Variants in AOC3 observed in about 807,000 individuals in gnomAD.
The protein encoded by AOC3 is amine oxidase copper containing 3.
A neutral mutation model predicts 55.4 loss-of-function variants in AOC3; 47 were observed. The observed-to-expected ratio is 0.85, with a 90% CI of 0.67 to 1.08. AOC3 has a LOEUF of 1.08. Ranked by LOEUF, AOC3 falls within the 50% of genes least tolerant of loss-of-function variation. AOC3 has a pLI of 0.00. For missense variants in AOC3, 853 were observed against 993.1 expected (o/e 0.86, Z 1.90); for synonymous variants, 386 against 410.7 (o/e 0.94, Z 0.73).
chr17:42,856,895 A>T lies in AOC3; in HGVS notation c.*345A>T, dbSNP rs1357986507. ...TTTTAGGCCACCTCCAAGGACTCTA[A>T]AAGGGGGCTATTCCCTGGAGACCCC... On this transcript the variant is annotated 3_prime_UTR_variant, in exon 4 of 4. Coordinates refer to ENST00000308423, the MANE Select transcript of AOC3 (RefSeq NM_003734.4). The T allele has an allele frequency of 6.3e-6, 2 of 318,034 alleles. No individual in the cohort carries two copies. Among genetic ancestry groups the T allele is most frequent in the Non-Finnish European group, 1.2e-5 (2 of 170,304 alleles). The allele number at this position is 318,034 out of a possible 1,614,324, so 19.7% of individuals were successfully genotyped here.
intron 2 of AOC3, 84 bp downstream of exon 2, chr17:42,854,817 AGGGGAGAGCTCTC>A: frequency 1.1e-6 from 1 of 938,876 alleles, no homozygotes; most frequent in Non-Finnish European, 1.4e-6. Context: ...ACTGTAGGTG[AGGGGAGAGCTCTC>A]TCAGGAAGGC....
rs477207 is a variant in AOC3, at chr17:42,856,356, G to A, written c.2098G>A (p.Gly700Ser). 12,926 of 1,612,028 alleles carry A rather than the reference G, an allele frequency of 8.0e-3. 955 individuals are homozygous for A. The African/African-American group carries it at 0.15, about 18-fold the overall frequency. The change falls in exon 4 of 4, where the codon GGC (glycine) becomes AGC (serine). Residue 700 changes from glycine (G) to serine (S), a missense_variant. Physicochemically the swap from Gly to Ser is moderately conservative, Grantham distance 56. Coordinates refer to ENST00000308423, the MANE Select transcript of AOC3 (RefSeq NM_003734.4). ...DIPNTVTVGNGVGFFLRPYNF... is the reference protein window; with the variant it reads ...DIPNTVTVGNSVGFFLRPYNF... ...TCCTAACACAGTGACTGTGGGGAAC[G>A]GCGTGGGCTTCTTCCTCCGACCCTA...
rs1258508707 is a variant in AOC3 at position 42,854,578 on chromosome 17, C to T, written c.1731C>T (p.Phe577=). 6.2e-7 allele frequency: 1 copy of T among 1,610,232 alleles called. No individual in the cohort carries two copies. Among genetic ancestry groups the T allele is most frequent in the Non-Finnish European group, 8.5e-7 (1 of 1,178,252 alleles). The change falls in exon 2 of 4, where the codon TTC becomes TTT. Residue 577 remains phenylalanine (F), a synonymous_variant. Coordinates refer to ENST00000308423, the MANE Select transcript of AOC3 (RefSeq NM_003734.4). Reference sequence around the variant, plus strand: ...TGGAGATGGAGGAGCAGGCCGCCTTCCTCGTGGGAAGCGCCACCCCTCGCT... The same window carrying T: ...TGGAGATGGAGGAGCAGGCCGCCTTTCTCGTGGGAAGCGCCACCCCTCGCT... ...KLLEMEEQAA[F]LVGSATPRYL...
chr17:42,853,459 G>T, intron 1 of AOC3: 1 of 933,390 alleles, frequency 1.1e-6, no homozygotes, highest in Non-Finnish European at 1.3e-6. Context: ...AGTGTGAGGG[G>T]TCACATGGAT....
rs773042042 is a variant in AOC3, at chr17:42,851,650, C to T, written c.307C>T (p.Leu103=). ...DNCVFSVELQ[L]PPKAAALAHL... ...CTGTGTCTTCTCAGTGGAGTTGCAG[C>T]TGCCTCCCAAGGCTGCAGCCCTGGC... The change falls in exon 1 of 4, where the codon CTG becomes TTG. Residue 103 remains leucine, a synonymous_variant. Transcript: ENST00000308423. The T allele has an allele frequency of 2.8e-5, 45 of 1,612,942 alleles. No individual in the cohort carries two copies. Among genetic ancestry groups the T allele is most frequent in the Non-Finnish European group, 3.7e-5 (44 of 1,180,036 alleles).
In AOC3 at chr17:42,852,109, C is replaced by T; in HGVS notation, c.766C>T (p.Pro256Ser). ...ELLVNHKALDPARWTIQKVFY... is the reference protein window; with the variant it reads ...ELLVNHKALDSARWTIQKVFY... ...GCTAGTGAACCACAAGGCCCTTGAC[C>T]CTGCCCGCTGGACTATCCAGAAGGT... Residue 256 changes from proline to serine, a missense_variant, in exon 1 of 4, where the codon CCT (proline) becomes TCT (serine). Coordinates refer to ENST00000308423, the MANE Select transcript of AOC3 (RefSeq NM_003734.4). 1 of 1,613,906 alleles carries T rather than the reference C, an allele frequency of 6.2e-7. No individual in the cohort carries two copies. The highest frequency in any genetic ancestry group is 8.5e-7 in the Non-Finnish European group (1 of 1,179,854).
In AOC3 at chr17:42,855,430, C is replaced by T. The variant is rs2144305783; in HGVS notation, c.1887-14C>T. 1 of 1,596,518 alleles carries T rather than the reference C, an allele frequency of 6.3e-7. No homozygotes were observed. Among genetic ancestry groups the T allele is most frequent in the East Asian group, 2.2e-5 (1 of 44,450 alleles). ...GGGTCAATGGCCATGGAGGCCTGACCAGTGCCTCCCTAGGTACCAGCTGGC... is the reference window on the plus strand; with the variant it reads ...GGGTCAATGGCCATGGAGGCCTGACTAGTGCCTCCCTAGGTACCAGCTGGC... On this transcript the variant is annotated splice_polypyrimidine_tract_variant and intron_variant, in intron 2 of 3. Transcript: ENST00000308423.
At position 42,851,627 on chromosome 17, in the gene AOC3, G is replaced by A. The variant is rs756233554; in HGVS notation, c.284G>A (p.Cys95Tyr). 1.2e-6 allele frequency: 2 copies of A among 1,612,894 alleles called. No homozygotes were observed. Among genetic ancestry groups the A allele is most frequent in the African/African-American group, 1.3e-5 (1 of 74,900 alleles). The part of the protein sequence containing the change: ...DAAQARPSDN[C>Y]VFSVELQLPP... Reference sequence around the variant, plus strand: ...GCCCAGGCCCGGCCCTCGGACAACTGTGTCTTCTCAGTGGAGTTGCAGCTG... The same window carrying A: ...GCCCAGGCCCGGCCCTCGGACAACTATGTCTTCTCAGTGGAGTTGCAGCTG... The change falls in exon 1 of 4, where the codon TGT becomes TAT. Residue 95 changes from cysteine (C) to tyrosine (Y), a missense_variant. Cys to Tyr is a radical substitution (Grantham distance 194). Transcript: ENST00000308423.
In AOC3 at chr17:42,852,262, C is replaced by G. The variant is rs777916243; in HGVS notation, c.919C>G (p.Pro307Ala). Residue 307 changes from proline (P) to alanine (A), a missense_variant, in exon 1 of 4, where the codon CCC (proline) becomes GCC (alanine). By Grantham distance (27) the Pro-to-Ala change is conservative. Transcript: ENST00000308423. ...GGSWSLKSPV[P>A]PGPAPPLQFY... ...GTCCTGGTCCCTGAAGTCCCCTGTG[C>G]CCCCGGGTCCAGCTCCCCCTCTACA... The G allele has an allele frequency of 2.5e-6, 4 of 1,613,600 alleles. No individual in the cohort carries two copies. In the East Asian group the frequency reaches 6.7e-5, roughly 27 times the overall value.
chr17:42,854,678 G>T lies in AOC3; in HGVS notation c.1831G>T (p.Ala611Ser). ...CTACCGCATCCAGATGCTCAGCTTT[G>T]CTGGAGAGCCGCTGCCCCAAAACAG... ...RGYRIQMLSF[A>S]GEPLPQNSSM... Residue 611 changes from alanine to serine, a missense_variant, in exon 2 of 4, where the codon GCT (alanine) becomes TCT (serine). Transcript: ENST00000308423. 1 of 1,522,386 alleles carries T rather than the reference G, an allele frequency of 6.6e-7. No homozygotes were observed. Among genetic ancestry groups the T allele is most frequent in the Non-Finnish European group, 8.9e-7 (1 of 1,129,622 alleles). 94.3% of individuals were successfully genotyped at this position (1,522,386 alleles called of 1,614,324 possible).
chr17:42,856,213 C>A, intron 3 of AOC3, 62 bp from the exon 4 acceptor site: 1 of 1,579,084 alleles, frequency 6.3e-7, no homozygotes, highest in Non-Finnish European at 8.6e-7. Context: ...GAGCTGAATC[C>A]CTACCAGGGC....
intron 3 of AOC3, 109 bp downstream of exon 3, chr17:42,855,682 C>T (rs1185964240): frequency 2.3e-5 from 33 of 1,444,228 alleles, no homozygotes; most frequent in South Asian, 1.1e-4. Context: ...GCCTTCTGCA[C>T]TTCAGTATAT....
At chr17:42,853,128 A>C in intron 1 of AOC3, 185 bp downstream of exon 1, 1 of 1,369,434 alleles carries the variant, frequency 7.3e-7, no homozygotes, top group East Asian at 2.5e-5. Context: ...GCTGGGTGCA[A>C]AGCTGCAGCC....
intron 3 of AOC3, 43 bp from the exon 4 acceptor site, chr17:42,856,232 A>C (rs1435158607): frequency 6.2e-7 from 1 of 1,600,826 alleles, no homozygotes; most frequent in Non-Finnish European, 8.5e-7. Flanking sequence ...GCATGTCCTC[A>C]GCAAAGCCAG....
At position 42,853,902 on chromosome 17, in the gene AOC3, A is replaced by G. The variant is rs538538138; in HGVS notation, c.1601-546A>G. Among the ~76,000 whole-genome samples, 10 of 152,174 alleles carry G rather than the reference A, an allele frequency of 6.6e-5. No homozygotes were observed. The South Asian group carries it at 1.0e-3, about 16-fold the overall frequency. Reference sequence around the variant, plus strand: ...CTGCACAGCTACACCCAAATTCTCCATGTCCCTGGACACGCACTTCACATG... The same window carrying G: ...CTGCACAGCTACACCCAAATTCTCCGTGTCCCTGGACACGCACTTCACATG... On this transcript the variant is annotated intron_variant, in intron 1 of 3. Transcript: ENST00000308423.
In AOC3 at chr17:42,851,647, C is replaced by G; in HGVS notation, c.304C>G (p.Gln102Glu). 8.7e-6 allele frequency: 14 copies of G among 1,612,984 alleles called. No homozygotes were observed. The highest frequency in any genetic ancestry group is 1.2e-5 in the Non-Finnish European group (14 of 1,180,022). The part of the protein sequence containing the change: ...SDNCVFSVEL[Q>E]LPPKAAALAH... ...CAACTGTGTCTTCTCAGTGGAGTTG[C>G]AGCTGCCTCCCAAGGCTGCAGCCCT... Residue 102 changes from glutamine to glutamate, a missense_variant, in exon 1 of 4, where the codon CAG becomes GAG. Physicochemically the swap from Gln to Glu is conservative, Grantham distance 29. Transcript: ENST00000308423.
rs776205773 is a variant in AOC3, at chr17:42,852,562, T to C, written c.1219T>C (p.Leu407=). 17 of 1,614,078 alleles carry C rather than the reference T, an allele frequency of 1.1e-5. No individual in the cohort carries two copies. The highest frequency in any genetic ancestry group is 2.2e-5 in the South Asian group (2 of 91,072). Residue 407 remains leucine (L), a synonymous_variant, in exon 1 of 4, where the codon TTG becomes CTG. Coordinates refer to ENST00000308423, the MANE Select transcript of AOC3 (RefSeq NM_003734.4). The stretch of plus-strand genomic sequence containing the variant: ...GACCCGTGGGGTGGACTGCCCCTAC[T>C]TGGCCACCTACGTGGACTGGCACTT... ...PLTRGVDCPY[L]ATYVDWHFLL...
At position 42,856,562 on chromosome 17, in the gene AOC3, A is replaced by T. The variant is rs1440084633; in HGVS notation, c.*12A>T. ...TCTCTCACAACTAGGCGGTCCTGGG[A>T]TGGGGCATGTGGCCAAGGGCTCCAG... On this transcript the variant is annotated 3_prime_UTR_variant, in exon 4 of 4. Coordinates refer to ENST00000308423, the MANE Select transcript of AOC3 (RefSeq NM_003734.4). 2 of 1,547,224 alleles carry T rather than the reference A, an allele frequency of 1.3e-6. No homozygotes were observed. Among genetic ancestry groups the T allele is most frequent in the Admixed American group, 3.4e-5 (2 of 58,744 alleles).
rs1375371123 is a variant in AOC3 at position 42,852,081 on chromosome 17, G to A, written c.738G>A (p.Glu246=). Reference sequence around the variant, plus strand: ...TCTTCCTGCACCACGTGGGCTTGGAGCTGCTAGTGAACCACAAGGCCCTTG... The same window carrying A: ...TCTTCCTGCACCACGTGGGCTTGGAACTGCTAGTGAACCACAAGGCCCTTG... The part of the protein sequence containing the change: ...AGFFLHHVGL[E]LLVNHKALDP... Residue 246 remains glutamate (E), a synonymous_variant, in exon 1 of 4, where the codon GAG becomes GAA. Transcript: ENST00000308423. 2.5e-6 allele frequency: 4 copies of A among 1,613,910 alleles called. No homozygotes were observed. In the East Asian group the frequency reaches 6.7e-5, roughly 27 times the overall value.
Sources: allele counts gnomAD v4.1 joint callset (sites outside exome capture counted in the v4.1 genomes callset), GRCh38; gene constraint gnomAD v4.1.1; transcripts MANE v1.5; gene names NCBI Gene and HGNC (gene_info 2026-07-23, HGNC 2026-07-21).